Variants in CIMIP7 observed in about 807,000 individuals in gnomAD.
CIMIP7 encodes the protein uncharacterized protein C3orf84.
chr3:49,178,694 A>G, the CIMIP7 span, among the ~76,000 whole-genome samples: 1 of 151,262 alleles, frequency 6.6e-6, no homozygotes, highest in Admixed American at 6.6e-5. Flanking sequence ...GGCAGAGACT[A>G]ATTAAAGCAA....
the CIMIP7 span, among the ~76,000 whole-genome samples, chr3:49,188,569 G>A: frequency 6.6e-6 from 1 of 152,124 alleles, no homozygotes; most frequent in Non-Finnish European, 1.5e-5. Flanking sequence ...CACTGATCCT[G>A]TCAGGGTGAC....
the CIMIP7 span, chr3:49,177,756 C>T: frequency 3.1e-5 from 50 of 1,609,096 alleles, no homozygotes; most frequent in Admixed American, 4.9e-4. Context: ...CGTCAGTGAC[C>T]GGCGCCTGGG....
chr3:49,187,446 C>T, the CIMIP7 span, among the ~76,000 whole-genome samples: 1 of 152,098 alleles, frequency 6.6e-6, no homozygotes, highest in East Asian at 1.9e-4. Flanking sequence ...AGCTCCTTGG[C>T]AAACTGAGGG....
At chr3:49,190,395 C>A in the CIMIP7 span, among the ~76,000 whole-genome samples, 1 of 151,664 alleles carries the variant, frequency 6.6e-6, no homozygotes, top group Admixed American at 6.6e-5. Flanking sequence ...GGAAGGAGTG[C>A]CATTCATTTA....
At chr3:49,188,335 A>C in the CIMIP7 span, among the ~76,000 whole-genome samples, 3 of 152,208 alleles carry the variant, frequency 2.0e-5, no homozygotes, top group African/African-American at 7.2e-5. Context: ...AAGAAGGTGC[A>C]GTGGGTGGTA....
chr3:49,185,600 C>G, the CIMIP7 span, among the ~76,000 whole-genome samples: 2 of 151,936 alleles, frequency 1.3e-5, no homozygotes, highest in Non-Finnish European at 2.9e-5. Context: ...ACCAGAGCAG[C>G]ACCAGGGATC....
chr3:49,187,982 G>A, the CIMIP7 span, among the ~76,000 whole-genome samples: 1 of 152,194 alleles, frequency 6.6e-6, no homozygotes, highest in Non-Finnish European at 1.5e-5. Context: ...CTGTTTCTGA[G>A]GAATGAGTTT....
the CIMIP7 span, among the ~76,000 whole-genome samples, chr3:49,179,932 G>A: frequency 6.6e-6 from 1 of 152,164 alleles, no homozygotes; most frequent in South Asian, 2.1e-4. Context: ...GAGGTCAGGA[G>A]TTTGAGACCA....
the CIMIP7 span, among the ~76,000 whole-genome samples, chr3:49,183,615 A>T: frequency 6.6e-6 from 1 of 152,224 alleles, no homozygotes; most frequent in Admixed American, 6.5e-5. Flanking sequence ...AGATCGTGCC[A>T]CTGCACTCCA....
At chr3:49,177,834 C>T in the CIMIP7 span, 4 of 1,612,944 alleles carry the variant, frequency 2.5e-6, no homozygotes, top group Non-Finnish European at 3.4e-6. Context: ...GGTAGGTGGT[C>T]CTGGTATGGG....
the CIMIP7 span, among the ~76,000 whole-genome samples, chr3:49,180,215 G>A: frequency 1.3e-5 from 2 of 152,186 alleles, no homozygotes; most frequent in Non-Finnish European, 1.5e-5. Context: ...GGCAGAGGTT[G>A]CAGTGAGCTA....
the CIMIP7 span, among the ~76,000 whole-genome samples, chr3:49,186,452 G>A: frequency 2.1e-5 from 3 of 145,444 alleles, no homozygotes; most frequent in African/African-American, 7.7e-5. Context: ...CGCCCAGGCT[G>A]GAGTGCAGTG....
the CIMIP7 span, chr3:49,190,285 T>A: frequency 1.7e-6 from 1 of 599,498 alleles, no homozygotes; most frequent in East Asian, 2.9e-5. Context: ...TCTAAGGAGT[T>A]AGGACACTCC....
chr3:49,190,889 G>A, the CIMIP7 span, among the ~76,000 whole-genome samples: 1 of 151,870 alleles, frequency 6.6e-6, no homozygotes, highest in Non-Finnish European at 1.5e-5. Context: ...GGCTGGTCTC[G>A]AACTCCTGAC....
At chr3:49,186,951 TTAAAA>T in the CIMIP7 span, among the ~76,000 whole-genome samples, 2 of 152,208 alleles carry the variant, frequency 1.3e-5, no homozygotes, top group Non-Finnish European at 2.9e-5. Flanking sequence ...AAAGTTTCAA[TTAAAA>T]TAAAATCTAG....
the CIMIP7 span, among the ~76,000 whole-genome samples, chr3:49,187,571 C>T: frequency 1.6e-4 from 24 of 151,690 alleles, no homozygotes; most frequent in South Asian, 2.7e-3. Flanking sequence ...TTATATTTCC[C>T]AAGAATCAGG....
At chr3:49,191,078 G>A in the CIMIP7 span, among the ~76,000 whole-genome samples, 3 of 152,176 alleles carry the variant, frequency 2.0e-5, no homozygotes, top group African/African-American at 7.2e-5. Context: ...CTCTGTGGAT[G>A]ATCATGTCTG....
At chr3:49,187,759 C>T in the CIMIP7 span, among the ~76,000 whole-genome samples, 2 of 152,318 alleles carry the variant, frequency 1.3e-5, no homozygotes, top group African/African-American at 4.8e-5. Flanking sequence ...CCTGGTACCT[C>T]TCAGCCAGTG....
the CIMIP7 span, chr3:49,178,473 G>C: frequency 1.2e-6 from 2 of 1,612,772 alleles, no homozygotes; most frequent in Non-Finnish European, 1.7e-6. Flanking sequence ...TCCTGTCTTC[G>C]GCACTCACTT....
Sources: gnomAD v4.1 joint callset for allele counts (sites outside exome capture counted in the v4.1 genomes callset) on GRCh38, gnomAD v4.1.1 for gene constraint, MANE v1.5 for transcripts, NCBI Gene and HGNC (gene_info 2026-07-23, HGNC 2026-07-21) for gene names.